NEDD1: variants seen among roughly 807,000 people sequenced by gnomAD.
NEDD1 encodes NEDD1 gamma-tubulin ring complex targeting factor.
A neutral mutation model predicts 74.0 loss-of-function variants in NEDD1; 33 were observed. The observed-to-expected ratio is 0.45, with a 90% CI of 0.34 to 0.60. NEDD1 has a LOEUF of 0.60. NEDD1 is among the 20% of genes least tolerant of loss of function. NEDD1 has a pLI of 0.01. For missense variants in NEDD1, 746 were observed against 776.5 expected (o/e 0.96, Z 0.47); for synonymous variants, 250 against 264.4 (o/e 0.95, Z 0.53).
intron 6 of NEDD1, among the ~76,000 whole-genome samples, chr12:96,921,433 G>A (rs776528409): frequency 2.0e-5 from 3 of 151,982 alleles, no homozygotes; most frequent in Non-Finnish European, 2.9e-5. Context: ...CACCTCCCTC[G>A]GCCTCCCAAA....
At chr12:96,937,481 C>T in intron 9 of NEDD1, 88 bp downstream of exon 9, 1 of 626,076 alleles carries the variant, frequency 1.6e-6, no homozygotes, top group South Asian at 3.3e-5. Flanking sequence ...GCACATTCTT[C>T]AAGAACATAG....
intron 6 of NEDD1, among the ~76,000 whole-genome samples, chr12:96,934,730 G>C (rs764121741): frequency 3.3e-5 from 5 of 151,936 alleles, no homozygotes; most frequent in African/African-American, 4.8e-5. Flanking sequence ...TAAAGATGGG[G>C]TTTCACTAGG....
rs188326011 is a variant in NEDD1, at chr12:96,925,992, T to A, written c.489+5867T>A. ...GTTACTTAACTCTCAAGCCTCCTTT[T>A]CCTTATCTTTCAAGTGAGAATAATA... On this transcript the variant is annotated intron_variant, in intron 6 of 15. Transcript: ENST00000266742. Among the ~76,000 whole-genome samples the A allele has an allele frequency of 2.8e-4, 42 of 152,298 alleles. No individual in the cohort carries two copies. In the East Asian group the frequency reaches 6.4e-3, roughly 23 times the overall value.
Position 96,937,442 on chromosome 12 carries a change from T to A in NEDD1, c.1117+49T>A, listed in dbSNP as rs10431439. On this transcript the variant is annotated intron_variant, in intron 9 of 15. Transcript: ENST00000266742. ...GGAGGGTTGGTTTGTTTTTTTTTTGTTTTTTTGTTTTTGGCTTGCATATAA... is the reference window on the plus strand; with the variant it reads ...GGAGGGTTGGTTTGTTTTTTTTTTGATTTTTTGTTTTTGGCTTGCATATAA... 2.6e-5 allele frequency: 9 copies of A among 352,566 alleles called. No homozygotes were observed. In the African/African-American group the frequency reaches 7.0e-4, roughly 27 times the overall value. The allele number at this position is 352,566 out of a possible 1,614,324, so 21.8% of individuals were successfully genotyped here.
chr12:96,937,237 G>A lies in NEDD1; in HGVS notation c.961G>A (p.Val321Met), dbSNP rs757596274. Residue 321 changes from valine (V) to methionine (M), a missense_variant, in exon 9 of 16, where the codon GTG becomes ATG. By Grantham distance (21) the Val-to-Met change is conservative (BLOSUM62 1). Around this residue, in one of 3 missense-constraint regions of NEDD1, gnomAD observed 706 missense variants for 706.7 expected, o/e 1.00. Transcript: ENST00000266742. ...NKGCSNKPTT[V>M]NKRSVNVNAA... ...AGGCTGTTCAAATAAGCCCACAACA[G>A]TGAACAAACGAAGTGTTAATGTGAA... The A allele has an allele frequency of 5.6e-6, 9 of 1,611,236 alleles. No homozygotes were observed. Among genetic ancestry groups the A allele is most frequent in the Non-Finnish European group, 6.8e-6 (8 of 1,178,544 alleles).
rs1878867732 is a variant in NEDD1 at position 96,953,244 on chromosome 12, A to G, written c.*1191A>G. ...AAAACAAAAAACAAACCTTTAGCTC[A>G]CTAACTTTATGGGTTTCTGAAGTGA... On this transcript the variant is annotated 3_prime_UTR_variant, in exon 16 of 16. Transcript: ENST00000266742. The G allele has an allele frequency of 6.6e-6, 1 of 151,314 alleles. No homozygotes were observed. Among genetic ancestry groups the G allele is most frequent in the Admixed American group, 6.6e-5 (1 of 15,166 alleles). 9.4% of individuals were successfully genotyped at this position (151,314 alleles called of 1,614,324 possible). A position where few individuals can be genotyped will look rare whatever the true frequency, so the allele number is the denominator to read the frequency against.
intron 6 of NEDD1, among the ~76,000 whole-genome samples, chr12:96,930,203 ACACACACACTCTCTCTCT>A (rs1182433458): frequency 6.4e-4 from 43 of 67,264 alleles, no homozygotes; most frequent in African/African-American, 2.2e-3. Context: ...ACACACACAC[ACACACACACTCTCTCTCT>A]CTCTCTCTCT....
chr12:96,947,563 C>T (rs1282995517), intron 14 of NEDD1, among the ~76,000 whole-genome samples: 1 of 152,050 alleles, frequency 6.6e-6, no homozygotes. Context: ...TATTTATTAC[C>T]CATTTATTCA....
chr12:96,920,901 A>G (rs1875007808), intron 6 of NEDD1, among the ~76,000 whole-genome samples: 1 of 152,080 alleles, frequency 6.6e-6, no homozygotes. Flanking sequence ...TTTAGTGGAT[A>G]TGAAAAGCAT....
intron 6 of NEDD1, 94 bp from the exon 7 acceptor site, chr12:96,934,882 T>G (rs1876925488): frequency 3.8e-6 from 3 of 790,016 alleles, no homozygotes; most frequent in Non-Finnish European, 6.4e-6. Context: ...AAACCCCATG[T>G]GAATAGTGTG....
chr12:96,939,489 G>T (rs561028865), intron 9 of NEDD1, among the ~76,000 whole-genome samples: 2 of 151,938 alleles, frequency 1.3e-5, no homozygotes, highest in Non-Finnish European at 2.9e-5. Context: ...GCCAGTCTTG[G>T]GCATTTTTGG....
chr12:96,951,443 A>T lies in NEDD1; in HGVS notation c.1823A>T (p.His608Leu). The T allele has an allele frequency of 6.4e-7, 1 of 1,566,766 alleles. No individual in the cohort carries two copies. Among genetic ancestry groups the T allele is most frequent in the Non-Finnish European group, 8.8e-7 (1 of 1,141,296 alleles). Reference sequence around the variant, plus strand: ...TACATTCTTCCTAGAGAAGCATGCCATAGGGACATTGTGAATTTGCAAGTG... The same window carrying T: ...TACATTCTTCCTAGAGAAGCATGCCTTAGGGACATTGTGAATTTGCAAGTG... ...ETLDDFREAC[H>L]RDIVNLQVEM... Residue 608 changes from histidine to leucine, a missense_variant, in exon 15 of 16, where the codon CAT becomes CTT. By Grantham distance (99) the His-to-Leu change is moderately conservative. Transcript: ENST00000266742.
At chr12:96,932,875 A>T (rs1268384841) in intron 6 of NEDD1, among the ~76,000 whole-genome samples, 1 of 151,990 alleles carries the variant, frequency 6.6e-6, no homozygotes, top group Non-Finnish European at 1.5e-5. Flanking sequence ...AGTGTTTTCT[A>T]TTATGTAGAT....
rs1277419589 is a variant in NEDD1 at position 96,943,573 on chromosome 12, A to G, written c.1308A>G (p.Leu436=). ...SIGKGDGFDF[L]PQLNSVFPPR... Reference sequence around the variant, plus strand: ...TCCCTTTTCCAGGCTTTGACTTTCTACCGCAGTTGAACTCAGTGTTTCCTC... The same window carrying G: ...TCCCTTTTCCAGGCTTTGACTTTCTGCCGCAGTTGAACTCAGTGTTTCCTC... Residue 436 remains leucine, a synonymous_variant, in exon 12 of 16, where the codon CTA becomes CTG. Transcript: ENST00000266742. The G allele has an allele frequency of 6.2e-7, 1 of 1,612,582 alleles. No homozygotes were observed. Among genetic ancestry groups the G allele is most frequent in the Admixed American group, 1.7e-5 (1 of 59,960 alleles).
intron 9 of NEDD1, among the ~76,000 whole-genome samples, chr12:96,937,726 A>G (rs1877273334): frequency 6.6e-6 from 1 of 152,142 alleles, no homozygotes; most frequent in Admixed American, 6.6e-5. Context: ...CAGATTAACC[A>G]GTAGAAAATA....
Position 96,907,689 on chromosome 12 carries a change from A to T in NEDD1, c.-176A>T. On this transcript the variant is annotated 5_prime_UTR_variant, in exon 2 of 16. Transcript: ENST00000266742. ...ATTTTTGGTGATTGAAAGTTGGAGA[A>T]CTTTCATTTCAGCTGAGTGGTGTAG... The T allele has an allele frequency of 6.4e-7, 1 of 1,551,272 alleles. No homozygotes were observed.
At chr12:96,926,030 GA>G (rs1462736052) in intron 6 of NEDD1, among the ~76,000 whole-genome samples, 1 of 151,198 alleles carries the variant, frequency 6.6e-6, no homozygotes, top group Non-Finnish European at 1.5e-5. Flanking sequence ...CTTTCAAAGG[GA>G]TTTTTTTTTT....
chr12:96,912,875 A>AT (rs765192754), intron 4 of NEDD1, 58 bp downstream of exon 4: 16 of 832,970 alleles, frequency 1.9e-5, no homozygotes, highest in Non-Finnish European at 1.8e-5. Flanking sequence ...TTGACTGGCA[A>AT]TTGCTTATTG....
intron 14 of NEDD1, among the ~76,000 whole-genome samples, chr12:96,951,019 T>G (rs1878657310): frequency 6.6e-6 from 1 of 151,908 alleles, no homozygotes; most frequent in Non-Finnish European, 1.5e-5. Context: ...GAATTTTCTG[T>G]ATTTCATTGT....
Sources: allele counts gnomAD v4.1 joint callset (sites outside exome capture counted in the v4.1 genomes callset), GRCh38; gene constraint gnomAD v4.1.1; regional missense constraint gnomAD v4.1.1; transcripts MANE v1.5; gene names NCBI Gene and HGNC (gene_info 2026-07-23, HGNC 2026-07-21).